PARD3: variants seen among roughly 807,000 people sequenced by gnomAD.
PARD3 encodes par-3 family cell polarity regulator.
A neutral mutation model predicts 155.4 loss-of-function variants in PARD3; 75 were observed. That is an observed-to-expected ratio of 0.48 (90% confidence interval 0.40 to 0.58). The LOEUF is 0.58. Among genes scored for constraint, PARD3 ranks in the 20% least tolerant of loss-of-function variants. PARD3 has a pLI of 0.00. For missense variants in PARD3, 1,642 were observed against 1,721.7 expected (o/e 0.95, Z 0.82); for synonymous variants, 576 against 610.5 (o/e 0.94, Z 0.83).
intron 24 of PARD3, among the ~76,000 whole-genome samples, chr10:34,114,816 A>G (rs1421977514): frequency 6.6e-6 from 1 of 152,228 alleles, no homozygotes. Context: ...CTGTCCTGTG[A>G]GCCCTTGGCT....
intron 3 of PARD3, among the ~76,000 whole-genome samples, chr10:34,484,102 T>C (rs1029469100): frequency 6.6e-6 from 1 of 152,144 alleles, no homozygotes; most frequent in Non-Finnish European, 1.5e-5. Flanking sequence ...ACGAAAAACA[T>C]GGCACCAAAT....
At position 34,769,847 on chromosome 10, in the gene PARD3, T is replaced by C. The variant is rs145879100; in HGVS notation, c.120+45029A>G. Reference sequence around the variant, plus strand: ...AACCATACCTAGTGTTCTTCAGTTATACACTTTTCTCAAATTCATACACAC... The same window carrying C: ...AACCATACCTAGTGTTCTTCAGTTACACACTTTTCTCAAATTCATACACAC... On this transcript the variant is annotated intron_variant, in intron 1 of 24. Transcript: ENST00000374788. Among the ~76,000 whole-genome samples, 3 of 128,924 alleles carry C rather than the reference T, an allele frequency of 2.3e-5. No individual in the cohort carries two copies. The East Asian group carries it at 6.4e-4, about 28-fold the overall frequency. 84.6% of individuals were successfully genotyped at this position (128,924 alleles called of 152,430 possible).
chr10:34,806,647 T>C (rs1486971254), intron 1 of PARD3, among the ~76,000 whole-genome samples: 1 of 152,178 alleles, frequency 6.6e-6, no homozygotes, highest in African/African-American at 2.4e-5. Flanking sequence ...AAGCAAAATT[T>C]ACCCTAACTC....
intron 2 of PARD3, among the ~76,000 whole-genome samples, chr10:34,604,280 G>C (rs1039442099): frequency 1.4e-4 from 22 of 152,244 alleles, no homozygotes; most frequent in African/African-American, 5.3e-4. Flanking sequence ...TGCCAAAAGA[G>C]ATAAACATTT....
rs771593408 is a variant in PARD3, at chr10:34,666,777, TAAA to T, written c.222+29538_222+29540del. On this transcript the variant is annotated intron_variant, in intron 2 of 24. Transcript: ENST00000374788. Reference sequence around the variant, plus strand: ...CTTCCACCTCACCTACCCCTCCCCCTAAAAAAAAAAAAAAAAAAAATATATATA... The same window carrying T: ...CTTCCACCTCACCTACCCCTCCCCCTAAAAAAAAAAAAAAAAATATATATA... Among the ~76,000 whole-genome samples the T allele has an allele frequency of 6.0e-3, 103 of 17,058 alleles. 2 individuals are homozygous for T. Among genetic ancestry groups the T allele is most frequent in the Admixed American group, 9.7e-3 (9 of 932 alleles). The allele number at this position is 17,058 out of a possible 152,430, so 11.2% of individuals were successfully genotyped here.
At chr10:34,364,312 A>G (rs1192383984) in intron 12 of PARD3, among the ~76,000 whole-genome samples, 3 of 152,320 alleles carry the variant, frequency 2.0e-5, no homozygotes, top group African/African-American at 2.4e-5. Flanking sequence ...AAATTATAGG[A>G]GTGAGCTCAA....
intron 1 of PARD3, among the ~76,000 whole-genome samples, chr10:34,716,337 A>G (rs539055602): frequency 1.3e-5 from 2 of 152,356 alleles, no homozygotes; most frequent in East Asian, 3.9e-4. Context: ...AGGATACTTT[A>G]AAGTTTCTGA....
At chr10:34,442,595 A>G (rs576451179) in intron 5 of PARD3, among the ~76,000 whole-genome samples, 2 of 152,364 alleles carry the variant, frequency 1.3e-5, no homozygotes, top group Non-Finnish European at 1.5e-5. Context: ...AAATACAGGC[A>G]TCATGGCTCA....
chr10:34,479,158 T>TA (rs2078900917), intron 3 of PARD3, among the ~76,000 whole-genome samples: 1 of 145,264 alleles, frequency 6.9e-6, no homozygotes, highest in Non-Finnish European at 1.5e-5. Flanking sequence ...AGCTCAAATT[T>TA]AATTTTTTTT....
intron 23 of PARD3, among the ~76,000 whole-genome samples, chr10:34,126,842 T>C (rs1051189609): frequency 6.8e-6 from 1 of 147,386 alleles, no homozygotes; most frequent in Non-Finnish European, 1.5e-5. Flanking sequence ...AAAGAAAAGG[T>C]CAACTTGTGA....
intron 2 of PARD3, among the ~76,000 whole-genome samples, chr10:34,590,664 C>T (rs1564387751): frequency 6.6e-6 from 1 of 152,108 alleles, no homozygotes; most frequent in Admixed American, 6.6e-5. Context: ...GCTAAGGATC[C>T]CTGTCCAACA....
intron 1 of PARD3, among the ~76,000 whole-genome samples, chr10:34,758,820 G>C (rs1279883826): frequency 6.6e-6 from 1 of 152,220 alleles, no homozygotes; most frequent in African/African-American, 2.4e-5. Flanking sequence ...TTAAGTTGGT[G>C]ACGGATGACA....
intron 5 of PARD3, among the ~76,000 whole-genome samples, chr10:34,435,579 A>G (rs988457251): frequency 6.6e-6 from 1 of 152,228 alleles, no homozygotes; most frequent in Non-Finnish European, 1.5e-5. Flanking sequence ...ATCAACAGAA[A>G]TCTTGTATCT....
At chr10:34,451,801 T>C (rs2077075614) in intron 4 of PARD3, among the ~76,000 whole-genome samples, 1 of 149,874 alleles carries the variant, frequency 6.7e-6, no homozygotes, top group South Asian at 2.1e-4. Flanking sequence ...ATAGAAATGG[T>C]AAGGAGAAGA....
intron 2 of PARD3, among the ~76,000 whole-genome samples, chr10:34,556,289 C>T (rs772177329): frequency 6.6e-6 from 1 of 152,028 alleles, no homozygotes; most frequent in South Asian, 2.1e-4. Flanking sequence ...AGTGAAACAT[C>T]AAGAAACTCA....
intron 20 of PARD3, among the ~76,000 whole-genome samples, chr10:34,296,178 A>G (rs1956900948): frequency 6.6e-6 from 1 of 152,206 alleles, no homozygotes. Context: ...CATGAAGTAA[A>G]CTATATTATA....
chr10:34,658,649 A>G (rs1245139528), intron 2 of PARD3, among the ~76,000 whole-genome samples: 1 of 152,186 alleles, frequency 6.6e-6, no homozygotes, highest in African/African-American at 2.4e-5. Flanking sequence ...GGAACTGCCA[A>G]TTAATGACTA....
chr10:34,347,207 C>T (rs1034476551), intron 15 of PARD3, among the ~76,000 whole-genome samples: 3 of 152,194 alleles, frequency 2.0e-5, no homozygotes, highest in Non-Finnish European at 2.9e-5. Context: ...ATCAAAATGG[C>T]TTCTTGTGTT....
Position 34,337,293 on chromosome 10 carries a change from T to C in PARD3, c.2542A>G (p.Lys848Glu). 6.3e-7 allele frequency: 1 copy of C among 1,598,708 alleles called. No homozygotes were observed. The highest frequency in any genetic ancestry group is 8.5e-7 in the Non-Finnish European group (1 of 1,173,572). Residue 848 changes from lysine to glutamate, a missense_variant, in exon 17 of 25, where the codon AAA becomes GAA. This residue lies in a region of PARD3 where 1,529 missense variants were observed against 1,587.3 expected (regional missense o/e 0.96). Transcript: ENST00000374788. The part of the protein sequence containing the change: ...QLDFVKTRKS[K>E]SMDLGIADET... ...TACTCACTACCTAAATCCATGCTTTTTGATTTTCGTGTTTTAACGAAATCC... is the reference window on the plus strand; with the variant it reads ...TACTCACTACCTAAATCCATGCTTTCTGATTTTCGTGTTTTAACGAAATCC...
Sources: allele counts gnomAD v4.1 joint callset (sites outside exome capture counted in the v4.1 genomes callset), GRCh38; gene constraint gnomAD v4.1.1; regional missense constraint gnomAD v4.1.1; transcripts MANE v1.5; gene names NCBI Gene and HGNC (gene_info 2026-07-23, HGNC 2026-07-21).